ENO1: variants seen among roughly 807,000 people sequenced by gnomAD.
ENO1 encodes the protein enolase 1.
Under a neutral mutation model 46.3 loss-of-function variants are expected in ENO1, and 33 were observed. The observed-to-expected ratio is 0.71, with a 90% CI of 0.54 to 0.95. ENO1 has a LOEUF of 0.95. Among genes scored for constraint, ENO1 ranks in the 40% least tolerant of loss-of-function variants. The probability of loss-of-function intolerance (pLI) is 0.00; values close to 1 mark genes in which losing one functional copy is unlikely to be tolerated. For synonymous variants in ENO1, 220 were observed against 216.0 expected, an observed-to-expected ratio of 1.02 and a Z score of -0.16; for missense variants, 488 against 553.3, an observed-to-expected ratio of 0.88 and a Z score of 1.18.
chr1:8,873,266 C>T (rs1284860540), intron 2 of ENO1, among the ~76,000 whole-genome samples: 1 of 152,204 alleles, frequency 6.6e-6, no homozygotes, highest in African/African-American at 2.4e-5. Flanking sequence ...AGTGGGTACT[C>T]ATGGGTTTAT....
intron 1 of ENO1, among the ~76,000 whole-genome samples, chr1:8,877,318 C>T (rs998126259): frequency 6.6e-6 from 1 of 150,608 alleles, no homozygotes; most frequent in African/African-American, 2.4e-5. Flanking sequence ...AACTCCCGAC[C>T]TCAGGTGATC....
At position 8,865,328 on chromosome 1, in the gene ENO1, G is replaced by C; in HGVS notation, c.822C>G (p.Asp274Glu). ...PDDPSRYISP[D>E]QLADLYKSFI... is the part of the protein sequence containing the mutation. ...AGGACTTGTACAGGTCAGCCAGCTG[G>C]TCAGGCGAGATGTACCTGCTGGGGT... is the stretch of plus-strand genomic sequence containing the variant. Residue 274 changes from aspartate to glutamate, a missense_variant, in exon 8 of 12, where the codon GAC becomes GAG. By Grantham distance (45) the Asp-to-Glu change is conservative. Transcript: ENST00000234590. 1 of 1,614,214 alleles carries C rather than the reference G, an allele frequency of 6.2e-7. No homozygotes were observed. Among genetic ancestry groups the C allele is most frequent in the Non-Finnish European group, 8.5e-7 (1 of 1,180,040 alleles).
chr1:8,872,954 G>T (rs1257966343), intron 2 of ENO1, among the ~76,000 whole-genome samples: 1 of 152,182 alleles, frequency 6.6e-6, no homozygotes, highest in Non-Finnish European at 1.5e-5. Context: ...GGCAATCTTT[G>T]GTGGAGGCAA....
chr1:8,864,770 A>T (rs891582576), intron 8 of ENO1, among the ~76,000 whole-genome samples: 2 of 152,178 alleles, frequency 1.3e-5, no homozygotes, highest in Non-Finnish European at 2.9e-5. Flanking sequence ...TAGTGGTTAA[A>T]CACACAGACT....
At chr1:8,861,512 G>A (rs921530512) in intron 11 of ENO1, 83 bp from the exon 12 acceptor site, 1 of 1,431,924 alleles carries the variant, frequency 7.0e-7, no homozygotes, top group Non-Finnish European at 9.7e-7. Context: ...TCCTAGATGT[G>A]GTCAAAGACA....
rs914496882 is a variant in ENO1 at position 8,878,486 on chromosome 1, G to A, written c.-10+94C>T. 2.1e-5 allele frequency: 8 copies of A among 386,406 alleles called. 1 individual carries two copies. Among genetic ancestry groups the A allele is most frequent in the African/African-American group, 1.7e-4 (8 of 47,988 alleles). 23.9% of individuals were successfully genotyped at this position (386,406 alleles called of 1,614,324 possible). On this transcript the variant is annotated intron_variant, in intron 1 of 11. Transcript: ENST00000234590. ...CCCGACCCCGCCACGCTGGGCCTGCGGGCGCGCCGCCTCCCTCGGAGGGAA... is the reference window on the plus strand; with the variant it reads ...CCCGACCCCGCCACGCTGGGCCTGCAGGCGCGCCGCCTCCCTCGGAGGGAA...
In ENO1 at chr1:8,872,516, G is replaced by A. The variant is rs928879391; in HGVS notation, c.86-530C>T. Reference sequence around the variant, plus strand: ...TCCTGCATCAGGCTCCCCAGCAACTGGGACTACAGCAGCCTGCCACCACGC... The same window carrying A: ...TCCTGCATCAGGCTCCCCAGCAACTAGGACTACAGCAGCCTGCCACCACGC... On this transcript the variant is annotated intron_variant, in intron 2 of 11. Transcript: ENST00000234590. Among the ~76,000 whole-genome samples the A allele has an allele frequency of 4.7e-5, 7 of 149,396 alleles. No individual in the cohort carries two copies. The South Asian group carries it at 8.3e-4, about 18-fold the overall frequency.
rs755341114 is a variant in ENO1 at position 8,867,167 on chromosome 1, G to A, written c.394C>T (p.Arg132Cys). 53 of 1,614,016 alleles carry A rather than the reference G, an allele frequency of 3.3e-5. No homozygotes were observed. The highest frequency in any genetic ancestry group is 1.1e-4 in the African/African-American group (8 of 74,914). Residue 132 changes from arginine to cysteine, a missense_variant, in exon 6 of 12, where the codon CGC becomes TGC. Coordinates refer to ENST00000234590, the MANE Select transcript of ENO1 (RefSeq NM_001428.5). ...TTGCCAGCCAAGTCAGCGATGTGGCGGTACAGGGGGACCCCCTTCTCAACG... is the reference window on the plus strand; with the variant it reads ...TTGCCAGCCAAGTCAGCGATGTGGCAGTACAGGGGGACCCCCTTCTCAACG... Reference protein sequence around the residue: ...GAVEKGVPLYRHIADLAGNSE... With the variant: ...GAVEKGVPLYCHIADLAGNSE...
At chr1:8,874,706 CA>C in intron 2 of ENO1, 117 bp downstream of exon 2, 1 of 853,402 alleles carries the variant, frequency 1.2e-6, no homozygotes, top group Non-Finnish European at 1.8e-6. Context: ...CTAGCATGTG[CA>C]GACAGAAAGA....
At chr1:8,871,822 C>G (rs1304745471) in intron 3 of ENO1, 69 bp downstream of exon 3, 16 of 1,538,624 alleles carry the variant, frequency 1.0e-5, no homozygotes, top group Admixed American at 3.4e-5. Context: ...CCAGAGAGGA[C>G]AGGACTGGGC....
chr1:8,876,844 AT>A (rs150798497), intron 1 of ENO1, among the ~76,000 whole-genome samples: 10 of 149,170 alleles, frequency 6.7e-5, no homozygotes, highest in Admixed American at 2.0e-4. Context: ...ATAAAGTGTG[AT>A]TTTTTTTTTA....
In ENO1 at chr1:8,866,279, CTTCTTTA is replaced by C. The variant is rs776863853; in HGVS notation, c.660_666del (p.Asn220LysfsTer6). The C allele has an allele frequency of 1.4e-5, 22 of 1,613,816 alleles. No individual in the cohort carries two copies. The stretch of plus-strand genomic sequence containing the variant: ...GGGGGCGGTTCCCTAGCGCCTTTAC[CTTCTTTA>C]TTCTCCAGGATGTTGGGAGCAAACC... On this transcript the variant is annotated frameshift_variant and splice_region_variant, in exon 7 of 12. Coordinates refer to ENST00000234590, the MANE Select transcript of ENO1 (RefSeq NM_001428.5). LOFTEE classifies it high-confidence loss of function.
At chr1:8,870,898 A>T in intron 3 of ENO1, 1 of 1,255,398 alleles carries the variant, frequency 8.0e-7, no homozygotes. Flanking sequence ...CCAGCAGAGG[A>T]TGAAGAAGGA....
intron 5 of ENO1, 118 bp downstream of exon 5, chr1:8,867,870 G>A: frequency 2.2e-6 from 2 of 922,540 alleles, no homozygotes; most frequent in South Asian, 3.2e-5. Flanking sequence ...GAAATGGGAA[G>A]AGACCACAGG....
In ENO1 at chr1:8,871,984, G is replaced by A. The variant is rs748626241; in HGVS notation, c.88C>T (p.Leu30Phe). The change falls in exon 3 of 12, where the codon CTC (leucine) becomes TTC (phenylalanine). Residue 30 changes from leucine (L) to phenylalanine (F), a missense_variant and splice_region_variant. Coordinates refer to ENST00000234590, the MANE Select transcript of ENO1 (RefSeq NM_001428.5). ...CCACTGGGCACAGCAGCTCTGAAGA[G>A]ACCTGGATGAGAGGAAAAAAGATGT... ...VEVDLFTSKG[L>F]FRAAVPSGAS... 15 of 1,613,814 alleles carry A rather than the reference G, an allele frequency of 9.3e-6. No homozygotes were observed. The South Asian group carries it at 1.5e-4, about 17-fold the overall frequency.
At chr1:8,863,428 G>A (rs535850427) in intron 9 of ENO1, 85 bp from the exon 10 acceptor site, 6 of 1,332,608 alleles carry the variant, frequency 4.5e-6, no homozygotes, top group Non-Finnish European at 6.2e-6. Flanking sequence ...GGTGCCAGCA[G>A]GAAAGCAGTG....
At chr1:8,873,294 G>A (rs1422837563) in intron 2 of ENO1, among the ~76,000 whole-genome samples, 1 of 152,170 alleles carries the variant, frequency 6.6e-6, no homozygotes, top group African/African-American at 2.4e-5. Context: ...TGCACCTTCC[G>A]CCTGCTTCTG....
At chr1:8,876,238 G>A (rs1159576314) in intron 1 of ENO1, 1 of 152,180 alleles carries the variant, frequency 6.6e-6, no homozygotes, top group African/African-American at 2.4e-5. Context: ...ATGTCCTGAG[G>A]TGGCAAGTGG....
chr1:8,869,044 TATG>T (rs1181163136), intron 4 of ENO1, among the ~76,000 whole-genome samples: 2 of 152,304 alleles, frequency 1.3e-5, no homozygotes, highest in East Asian at 3.9e-4. Context: ...TATTTTTATC[TATG>T]ATGTGCTTGA....
Sources: gnomAD v4.1 joint callset for allele counts (sites outside exome capture counted in the v4.1 genomes callset) on GRCh38, gnomAD v4.1.1 for gene constraint, MANE v1.5 for transcripts, NCBI Gene and HGNC (gene_info 2026-07-23, HGNC 2026-07-21) for gene names.